PSIP1: variants seen among roughly 807,000 people sequenced by gnomAD.
PSIP1 encodes PC4 and SRSF1 interacting protein 1.
PSIP1 carries 19 observed loss-of-function variants against 74.7 expected under a neutral mutation model. The observed-to-expected ratio is 0.25, with a 90% CI of 0.18 to 0.37. The LOEUF is 0.37. Among genes scored for constraint, PSIP1 ranks in the 10% least tolerant of loss-of-function variants. The pLI is 1.00. For missense variants in PSIP1, 601 were observed against 614.3 expected (o/e 0.98, Z 0.23); for synonymous variants, 222 against 195.3 (o/e 1.14, Z -1.14).
At chr9:15,472,807 T>G in intron 9 of PSIP1, 57 bp from the exon 10 acceptor site, 1 of 1,450,738 alleles carries the variant, frequency 6.9e-7, no homozygotes, top group Non-Finnish European at 9.3e-7. Flanking sequence ...CTAGTGCTTA[T>G]GGAATTATAA....
chr9:15,488,394 C>T (rs1365158490), intron 4 of PSIP1, among the ~76,000 whole-genome samples: 2 of 152,080 alleles, frequency 1.3e-5, no homozygotes, highest in Non-Finnish European at 2.9e-5. Flanking sequence ...TACCTCGCTT[C>T]TTTAGATTTA....
chr9:15,479,168 A>G (rs1052793352), intron 7 of PSIP1, among the ~76,000 whole-genome samples: 2 of 152,162 alleles, frequency 1.3e-5, no homozygotes, highest in African/African-American at 4.8e-5. Context: ...TAAATAGGCA[A>G]TGCTGAAGAG....
rs146109511 is a variant in PSIP1, at chr9:15,472,467, G to A, written c.977+165C>T. On this transcript the variant is annotated intron_variant, in intron 10 of 15. Transcript: ENST00000380733. ...TTTCATCCTCTCAGAAGAGAATGAAGCCTGAAATAAGATCATCATCATATA... is the reference window on the plus strand; with the variant it reads ...TTTCATCCTCTCAGAAGAGAATGAAACCTGAAATAAGATCATCATCATATA... 205 of 1,395,328 alleles carry A rather than the reference G, an allele frequency of 1.5e-4. No homozygotes were observed. In the African/African-American group the frequency reaches 2.3e-3, roughly 16 times the overall value. 86.4% of individuals were successfully genotyped at this position (1,395,328 alleles called of 1,614,324 possible).
intron 3 of PSIP1, among the ~76,000 whole-genome samples, chr9:15,497,625 G>A (rs1325383249): frequency 1.3e-5 from 2 of 151,898 alleles, no homozygotes; most frequent in Non-Finnish European, 2.9e-5. Flanking sequence ...GCGCCCGGCT[G>A]ATTCCATTTA....
At chr9:15,494,360 G>A (rs193106310) in intron 3 of PSIP1, among the ~76,000 whole-genome samples, 3 of 152,130 alleles carry the variant, frequency 2.0e-5, no homozygotes, top group South Asian at 4.1e-4. Context: ...GAGGTCAGGC[G>A]TTTGAAACCA....
chr9:15,473,980 C>G lies in PSIP1; in HGVS notation c.858+29G>C, dbSNP rs768485834. 2.1e-6 allele frequency: 3 copies of G among 1,428,218 alleles called. No individual in the cohort carries two copies. The African/African-American group carries it at 4.4e-5, about 21-fold the overall frequency. The allele number at this position is 1,428,218 out of a possible 1,614,324, so 88.5% of individuals were successfully genotyped here. On this transcript the variant is annotated intron_variant, in intron 9 of 15. Coordinates refer to ENST00000380733, the MANE Select transcript of PSIP1 (RefSeq NM_033222.5). ...ATATATATATAAACTAAGAATAGAA[C>G]AGCCATTTTATATATGTAAACTTTA...
intron 14 of PSIP1, 37 bp from the exon 15 acceptor site, chr9:15,466,896 C>G: frequency 6.6e-7 from 1 of 1,507,406 alleles, no homozygotes; most frequent in Non-Finnish European, 9.2e-7. Context: ...TTTGTTAAAG[C>G]TTACAAAACA....
chr9:15,486,700 T>TA, intron 5 of PSIP1, 127 bp downstream of exon 5: 2 of 701,766 alleles, frequency 2.8e-6, no homozygotes, highest in Non-Finnish European at 4.8e-6. Flanking sequence ...AAATAAGCCT[T>TA]AAATATTTTC....
intron 6 of PSIP1, among the ~76,000 whole-genome samples, chr9:15,482,504 T>C (rs1281533816): frequency 6.6e-6 from 1 of 152,150 alleles, no homozygotes; most frequent in Non-Finnish European, 1.5e-5. Flanking sequence ...CTTAATTTCC[T>C]AGTGTCCCAA....
intron 10 of PSIP1, chr9:15,470,570 T>G: frequency 1.1e-6 from 1 of 928,306 alleles, no homozygotes; most frequent in Non-Finnish European, 1.3e-6. Flanking sequence ...GTACCTTGGC[T>G]TAGAGTTCAG....
chr9:15,486,729 C>T, intron 5 of PSIP1, 98 bp downstream of exon 5: 2 of 826,540 alleles, frequency 2.4e-6, no homozygotes, highest in African/African-American at 1.8e-5. Context: ...TTTTGAAGTA[C>T]TTTAAAAATT....
At chr9:15,472,521 G>A (rs2035883089) in intron 10 of PSIP1, 111 bp downstream of exon 10, 4 of 1,459,630 alleles carry the variant, frequency 2.7e-6, no homozygotes, top group African/African-American at 1.5e-5. Context: ...CATGGGAAAA[G>A]TCACTTCTTC....
At chr9:15,491,249 G>C (rs2036817283) in intron 3 of PSIP1, among the ~76,000 whole-genome samples, 1 of 152,100 alleles carries the variant, frequency 6.6e-6, no homozygotes, top group Non-Finnish European at 1.5e-5. Flanking sequence ...ATTATGCTTG[G>C]GAGCTAGTTT....
chr9:15,488,705 T>C (rs192054479), intron 4 of PSIP1, among the ~76,000 whole-genome samples: 12 of 152,144 alleles, frequency 7.9e-5, no homozygotes, highest in African/African-American at 2.9e-4. Context: ...GCTAACAAGG[T>C]GAAACCCCGT....
intron 6 of PSIP1, among the ~76,000 whole-genome samples, chr9:15,483,213 A>G (rs1033056): frequency 0.69 from 104,231 of 151,954 alleles, 38,788 homozygotes; most frequent in Non-Finnish European, 0.82. Flanking sequence ...CAATATATAT[A>G]TCTCTTCACT....
chr9:15,500,191 G>GAAC (rs2037269954), intron 3 of PSIP1, among the ~76,000 whole-genome samples: 1 of 152,170 alleles, frequency 6.6e-6, no homozygotes, highest in African/African-American at 2.4e-5. Flanking sequence ...ATAGGGCTGG[G>GAAC]CGTGGTGGCT....
At chr9:15,494,527 T>G (rs990524585) in intron 3 of PSIP1, among the ~76,000 whole-genome samples, 2 of 132,560 alleles carry the variant, frequency 1.5e-5, no homozygotes, top group African/African-American at 3.0e-5. Context: ...ATCACACCAT[T>G]GCACTCCAGC....
At chr9:15,470,131 T>C (rs572265481) in intron 10 of PSIP1, 138 bp from the exon 11 acceptor site, 1 of 665,014 alleles carries the variant, frequency 1.5e-6, no homozygotes, top group African/African-American at 1.8e-5. Context: ...CTGTAGCTCT[T>C]AGAATGGTGC....
chr9:15,482,849 TTC>T, intron 6 of PSIP1, among the ~76,000 whole-genome samples: 1 of 152,338 alleles, frequency 6.6e-6, no homozygotes, highest in Non-Finnish European at 1.5e-5. Context: ...TTAATCTAGT[TTC>T]TGTCCTTACC....
Sources: gnomAD v4.1 joint callset for allele counts (sites outside exome capture counted in the v4.1 genomes callset) on GRCh38, gnomAD v4.1.1 for gene constraint, MANE v1.5 for transcripts, NCBI Gene and HGNC (gene_info 2026-07-23, HGNC 2026-07-21) for gene names.